The following TMEM63A variants were observed in gnomAD, a reference collection of about 807,000 sequenced individuals.
TMEM63A encodes mechanosensitive cation channel TMEM63A.
Under a neutral mutation model 100.6 loss-of-function variants are expected in TMEM63A, and 76 were observed. The ratio of observed to expected loss-of-function variants is 0.76; its 90% CI spans 0.63 to 0.91. The LOEUF is 0.91. Ranked by LOEUF, TMEM63A falls within the 40% of genes least tolerant of loss-of-function variation. The pLI, the probability that TMEM63A is intolerant of heterozygous loss-of-function variation, is 0.00. For missense variants in TMEM63A, 876 were observed against 1,008.8 expected (o/e 0.87, Z 1.78); for synonymous variants, 401 against 401.1 (o/e 1.00, Z 0.00).
intron 23 of TMEM63A, 128 bp from the exon 24 acceptor site, chr1:225,847,341 A>G: frequency 1.6e-6 from 2 of 1,218,958 alleles, no homozygotes; most frequent in South Asian, 3.2e-5. Flanking sequence ...AAACACCGAC[A>G]TCCATTTAGG....
Position 225,862,403 on chromosome 1 carries a change from G to A in TMEM63A, c.951+52C>T, listed in dbSNP as rs1278326997. The stretch of plus-strand genomic sequence containing the variant: ...TGACGTGGCCCCATGCTGGTATCTG[G>A]GGCACCCCGATGCCAATGCCTCTGC... On this transcript the variant is annotated intron_variant, in intron 12 of 24. Coordinates refer to ENST00000366835, the MANE Select transcript of TMEM63A (RefSeq NM_014698.3). This position sits in a 1 kb window ranked among gnomAD's most constrained non-coding sequence, Gnocchi z 5.1. The A allele has an allele frequency of 6.2e-7, 1 of 1,613,828 alleles. No homozygotes were observed. Among genetic ancestry groups the A allele is most frequent in the East Asian group, 2.2e-5 (1 of 44,864 alleles).
intron 6 of TMEM63A, among the ~76,000 whole-genome samples, chr1:225,870,187 TA>T (rs1670436198): frequency 6.6e-6 from 1 of 151,876 alleles, no homozygotes. Flanking sequence ...CTGTCTCTAC[TA>T]AAAATACAAA....
chr1:225,874,435 C>T, intron 3 of TMEM63A, 68 bp from the exon 4 acceptor site: 1 of 1,444,828 alleles, frequency 6.9e-7, no homozygotes, highest in Non-Finnish European at 9.6e-7. Context: ...ACAGCGGTCT[C>T]AGGGGTAAAG....
chr1:225,878,223 AGGTTAAGGAGCT>A (rs58214808), intron 2 of TMEM63A, among the ~76,000 whole-genome samples: 6,650 of 152,254 alleles, frequency 0.044, 205 homozygotes, highest in East Asian at 0.15. Flanking sequence ...CCCAAAGTTA[AGGTTAAGGAGCT>A]GGTCAGGGCA....
chr1:225,843,968 G>A (rs11581196), downstream of TMEM63A, among the ~76,000 whole-genome samples: 5,010 of 152,278 alleles, frequency 0.033, 128 homozygotes, highest in Non-Finnish European at 0.048. Context: ...GGTTGGGAGG[G>A]CGTGCTCTGG....
At chr1:225,852,255 C>T (rs958552486) in intron 20 of TMEM63A, among the ~76,000 whole-genome samples, 1 of 152,160 alleles carries the variant, frequency 6.6e-6, no homozygotes, top group African/African-American at 2.4e-5. Flanking sequence ...GAGGCTGAGG[C>T]GGGTGGATCA....
intron 21 of TMEM63A, among the ~76,000 whole-genome samples, chr1:225,849,376 G>T (rs747927569): frequency 6.6e-6 from 1 of 152,156 alleles, no homozygotes; most frequent in Non-Finnish European, 1.5e-5. Context: ...AGTCTGACCG[G>T]GGCAGACGTG....
chr1:225,874,995 A>G (rs140007477), intron 3 of TMEM63A, among the ~76,000 whole-genome samples: 5,617 of 152,208 alleles, frequency 0.037, 324 homozygotes, highest in African/African-American at 0.13. Context: ...CAGCCTCCCA[A>G]AGTGCTGGGA....
chr1:225,843,088 G>T (rs1288077674), downstream of TMEM63A, among the ~76,000 whole-genome samples: 1 of 152,232 alleles, frequency 6.6e-6, no homozygotes, highest in Non-Finnish European at 1.5e-5. Flanking sequence ...TGGGGGTAGG[G>T]ACTCTGTCTT....
At chr1:225,877,021 C>T (rs1352643426) in intron 3 of TMEM63A, among the ~76,000 whole-genome samples, 1 of 152,158 alleles carries the variant, frequency 6.6e-6, no homozygotes, top group South Asian at 2.1e-4. Context: ...ACTGCAGCTG[C>T]TCTATTCTAG....
At position 225,867,043 on chromosome 1, in the gene TMEM63A, C is replaced by A. The variant is rs1205538427; in HGVS notation, c.566+69G>T. On this transcript the variant is annotated intron_variant, in intron 8 of 24. Transcript: ENST00000366835. The surrounding 1 kb of genome is among the most constrained non-coding windows in gnomAD (Gnocchi z 4.6). ...CCCTTTGGAGTACCTCTGGCCTGCC[C>A]CGGGCTCCTGACCTGCCTTCTCCTT... 5.1e-6 allele frequency: 8 copies of A among 1,565,124 alleles called. No individual in the cohort carries two copies. The highest frequency in any genetic ancestry group is 7.0e-6 in the Non-Finnish European group (8 of 1,135,826).
At chr1:225,844,059 A>G (rs1472259548), downstream of TMEM63A, among the ~76,000 whole-genome samples, 1 of 152,122 alleles carries the variant, frequency 6.6e-6, no homozygotes, top group Admixed American at 6.6e-5. Flanking sequence ...CCACTTAATA[A>G]GTAAAATGGA....
At chr1:225,844,678 G>A, downstream of TMEM63A, 1 of 1,607,696 alleles carries the variant, frequency 6.2e-7, no homozygotes, top group Non-Finnish European at 8.5e-7. Flanking sequence ...CAGGGGGACG[G>A]CCAGTCTTGG....
At chr1:225,877,677 G>C in intron 2 of TMEM63A, 83 bp from the exon 3 acceptor site, 1 of 1,387,766 alleles carries the variant, frequency 7.2e-7, no homozygotes, top group South Asian at 1.4e-5. Flanking sequence ...CAGAGCCAAA[G>C]GCAGGCGTTT....
At chr1:225,880,375 C>T (rs753165321) in intron 1 of TMEM63A, among the ~76,000 whole-genome samples, 7 of 152,106 alleles carry the variant, frequency 4.6e-5, no homozygotes, top group Non-Finnish European at 8.8e-5. Context: ...CAAACAGGCA[C>T]GCTCTGAGCA....
In TMEM63A at chr1:225,865,947, G is replaced by GAT. The variant is rs767228071; in HGVS notation, c.694_695dup (p.Thr233SerfsTer38). On this transcript the variant is annotated frameshift_variant, in exon 10 of 25. Coordinates refer to ENST00000366835, the MANE Select transcript of TMEM63A (RefSeq NM_014698.3). LOFTEE classifies it high-confidence loss of function. This position sits in a 1 kb window ranked among gnomAD's most constrained non-coding sequence, Gnocchi z 4.6. ...TCCTGGCATCTCTGGGGAGTCCTGT[G>GAT]ATGAACAGGGTCCGCCTCACCTGTC... 3 of 1,614,054 alleles carry GAT rather than the reference G, an allele frequency of 1.9e-6. No individual in the cohort carries two copies. Among genetic ancestry groups the GAT allele is most frequent in the Non-Finnish European group, 2.5e-6 (3 of 1,179,952 alleles).
chr1:225,866,558 G>C lies in TMEM63A; in HGVS notation c.675+16C>G, dbSNP rs1455886961. On this transcript the variant is annotated intron_variant, in intron 9 of 24. Transcript: ENST00000366835. ...AGTCCCTCCCAGCACATGTCCCTAA[G>C]TCCCGCCTCACTCACCAGGTTCTCC... is the stretch of plus-strand genomic sequence containing the variant. 9 of 1,611,204 alleles carry C rather than the reference G, an allele frequency of 5.6e-6. No individual in the cohort carries two copies. Among genetic ancestry groups the C allele is most frequent in the African/African-American group, 2.7e-5 (2 of 74,970 alleles).
Position 225,853,505 on chromosome 1 carries a change from A to G in TMEM63A, c.1797+124T>C. 2.9e-6 allele frequency: 3 copies of G among 1,037,950 alleles called. No individual in the cohort carries two copies. Among genetic ancestry groups the G allele is most frequent in the Non-Finnish European group, 2.7e-6 (2 of 741,982 alleles). The allele number at this position is 1,037,950 out of a possible 1,614,324, so 64.3% of individuals were successfully genotyped here. ...GAGAAGCACTTAGCCCAGTGCCTGC[A>G]CTAGTGGGTAGTCAGGTAAATGCTA... On this transcript the variant is annotated intron_variant, in intron 19 of 24. Coordinates refer to ENST00000366835, the MANE Select transcript of TMEM63A (RefSeq NM_014698.3). The surrounding 1 kb of genome is among the most constrained non-coding windows in gnomAD (Gnocchi z 4.0).
intron 6 of TMEM63A, among the ~76,000 whole-genome samples, chr1:225,869,608 T>C (rs1164923815): frequency 1.3e-5 from 2 of 151,850 alleles, no homozygotes; most frequent in Non-Finnish European, 2.9e-5. Flanking sequence ...CATATTTCAT[T>C]ATATAACCAC....
Sources: allele counts gnomAD v4.1 joint callset (sites outside exome capture counted in the v4.1 genomes callset), GRCh38; gene constraint gnomAD v4.1.1; non-coding constraint Gnocchi (gnomAD v3.1); transcripts MANE v1.5; gene names NCBI Gene and HGNC (gene_info 2026-07-23, HGNC 2026-07-21).